Variants in FARP2 observed in about 807,000 individuals in gnomAD.
FARP2 encodes the protein FERM, ARH/RhoGEF and pleckstrin domain protein 2.
FARP2 carries 111 observed loss-of-function variants against 130.5 expected under a neutral mutation model. That is an observed-to-expected ratio of 0.85 (90% CI 0.73 to 1.00). FARP2 has a LOEUF of 1.00. Ranked by LOEUF, FARP2 falls within the 50% of genes least tolerant of loss-of-function variation. The probability of loss-of-function intolerance (pLI) is 0.00; values close to 1 mark genes in which losing one functional copy is unlikely to be tolerated. For synonymous variants in FARP2, 504 were observed against 516.9 expected (o/e 0.98, Z 0.34); for missense variants, 1,385 against 1,346.3 (o/e 1.03, Z -0.45).
At chr2:241,469,379 G>A (rs1053505371) in intron 18 of FARP2, among the ~76,000 whole-genome samples, 5 of 152,066 alleles carry the variant, frequency 3.3e-5, no homozygotes, top group Admixed American at 2.6e-4. Flanking sequence ...GCCACCACAT[G>A]AGGAGGTTTT....
chr2:241,415,986 G>GTT (rs2062653263), intron 7 of FARP2, among the ~76,000 whole-genome samples: 1 of 104,820 alleles, frequency 9.5e-6, no homozygotes, highest in Non-Finnish European at 1.9e-5. Flanking sequence ...CCTCAGGGTA[G>GTT]TTCTGTGTGT....
chr2:241,407,705 A>C lies in FARP2; in HGVS notation c.410+90A>C, dbSNP rs1214927009. On this transcript the variant is annotated intron_variant, in intron 5 of 26. Transcript: ENST00000264042. ...CAGCACCTGGCTCATTGAAAGAATG[A>C]ATAAGCCTGATATACACAGAAAAGT... is the stretch of plus-strand genomic sequence containing the variant. The C allele has an allele frequency of 7.1e-6, 7 of 991,692 alleles. No homozygotes were observed. In the East Asian group the frequency reaches 1.7e-4, roughly 24 times the overall value. 61.4% of individuals were successfully genotyped at this position (991,692 alleles called of 1,614,324 possible). A position where few individuals can be genotyped will look rare whatever the true frequency, so the allele number is the denominator to read the frequency against.
intron 2 of FARP2, among the ~76,000 whole-genome samples, chr2:241,385,830 C>T (rs564138173): frequency 2.6e-5 from 4 of 152,160 alleles, no homozygotes; most frequent in Non-Finnish European, 5.9e-5. Flanking sequence ...ATTTTTTGCA[C>T]TTACTTATGC....
chr2:241,453,546 T>A (rs1192140144), intron 13 of FARP2, among the ~76,000 whole-genome samples: 2 of 149,112 alleles, frequency 1.3e-5, no homozygotes, highest in African/African-American at 5.0e-5. Flanking sequence ...GGCATGAACC[T>A]GGGAGGCGGA....
chr2:241,380,828 CA>C (rs1490383343), intron 2 of FARP2, among the ~76,000 whole-genome samples: 1 of 152,036 alleles, frequency 6.6e-6, no homozygotes, highest in East Asian at 1.9e-4. Context: ...ATTCTTGGCC[CA>C]ACTCCCTGCA....
In FARP2 at chr2:241,456,872, C is replaced by T; in HGVS notation, c.1537C>T (p.Leu513Phe). Residue 513 changes from leucine to phenylalanine, a missense_variant, in exon 14 of 27, where the codon CTC becomes TTC. By Grantham distance (22) the Leu-to-Phe change is conservative (BLOSUM62 0). Transcript: ENST00000264042. ...QGSSPLLSPV[L>F]SDAGGAGMDC... ...CTCATCCCCACTCCTGAGCCCTGTC[C>T]TCAGTGATGCTGGCGGAGCCGGGAT... The T allele has an allele frequency of 1.2e-6, 2 of 1,611,850 alleles. No homozygotes were observed. The highest frequency in any genetic ancestry group is 1.7e-6 in the Non-Finnish European group (2 of 1,178,926).
chr2:241,402,531 A>G (rs2062196293), intron 2 of FARP2, among the ~76,000 whole-genome samples: 1 of 152,038 alleles, frequency 6.6e-6, no homozygotes, highest in African/African-American at 2.4e-5. Context: ...AAGTCTGTCC[A>G]TCTTTCCTTT....
intron 8 of FARP2, among the ~76,000 whole-genome samples, chr2:241,424,944 C>T (rs1182829771): frequency 6.6e-6 from 1 of 152,142 alleles, no homozygotes; most frequent in African/African-American, 2.4e-5. Flanking sequence ...CACAGTGGCT[C>T]ACGTCTGAAT....
chr2:241,403,639 A>G (rs1319230086), intron 2 of FARP2, among the ~76,000 whole-genome samples, 189 bp from the exon 3 acceptor site: 1 of 152,142 alleles, frequency 6.6e-6, no homozygotes, highest in Non-Finnish European at 1.5e-5. Flanking sequence ...AGCTTTATTT[A>G]TTTTGTTGCC....
intron 8 of FARP2, among the ~76,000 whole-genome samples, chr2:241,430,895 G>T (rs1040824783): frequency 3.9e-5 from 6 of 151,994 alleles, no homozygotes; most frequent in Non-Finnish European, 8.8e-5. Context: ...AGCTACTCAG[G>T]AGGCTGAGGC....
chr2:241,494,356 CTT>C lies in FARP2; in HGVS notation c.*232_*233del, dbSNP rs559516942. The C allele has an allele frequency of 6.6e-5, 23 of 348,578 alleles. No homozygotes were observed. In the South Asian group the frequency reaches 9.5e-4, roughly 14 times the overall value. 21.6% of individuals were successfully genotyped at this position (348,578 alleles called of 1,614,324 possible). A position where few individuals can be genotyped will look rare whatever the true frequency, so the allele number is the denominator to read the frequency against. On this transcript the variant is annotated 3_prime_UTR_variant, in exon 27 of 27. Coordinates refer to ENST00000264042, the MANE Select transcript of FARP2 (RefSeq NM_014808.4). This position sits in a 1 kb window ranked among gnomAD's most constrained non-coding sequence, Gnocchi z 4.9. ...GGGGCCCTGGGAAAAATGTGCGAGT[CTT>C]GAGCGCGGAGCCGCTCAAGCCACAG...
At chr2:241,441,162 A>T in intron 12 of FARP2, 142 bp from the exon 13 acceptor site, 1 of 683,746 alleles carries the variant, frequency 1.5e-6, no homozygotes, top group East Asian at 2.8e-5. Context: ...TCTACAAGGG[A>T]AAGTCTAGTG....
intron 4 of FARP2, among the ~76,000 whole-genome samples, chr2:241,405,759 C>G (rs939549696): frequency 2.0e-5 from 3 of 152,010 alleles, no homozygotes; most frequent in Non-Finnish European, 4.4e-5. Flanking sequence ...CATGGTGAAA[C>G]CCTGTCTCTA....
chr2:241,454,705 G>A (rs1182422567), intron 13 of FARP2, among the ~76,000 whole-genome samples: 1 of 152,176 alleles, frequency 6.6e-6, no homozygotes, highest in African/African-American at 2.4e-5. Context: ...TTTTAAGGTT[G>A]CTTAGTGTAC....
chr2:241,385,915 C>T (rs2061772928), intron 2 of FARP2, among the ~76,000 whole-genome samples: 2 of 152,178 alleles, frequency 1.3e-5, no homozygotes, highest in South Asian at 4.1e-4. Flanking sequence ...GAAGAATTAG[C>T]TTCCCATTGT....
At chr2:241,402,654 C>T (rs2062198753) in intron 2 of FARP2, among the ~76,000 whole-genome samples, 1 of 150,504 alleles carries the variant, frequency 6.6e-6, no homozygotes, top group African/African-American at 2.4e-5. Context: ...TACAATAAAA[C>T]TCTATTTCCA....
chr2:241,398,024 G>T (rs562218907), intron 2 of FARP2, among the ~76,000 whole-genome samples: 145 of 151,606 alleles, frequency 9.6e-4, no homozygotes, highest in African/African-American at 3.4e-3. Flanking sequence ...GTAGAGATGG[G>T]GTTTCACCAT....
At chr2:241,358,271 A>T (rs1330271293) in intron 1 of FARP2, among the ~76,000 whole-genome samples, 1 of 152,266 alleles carries the variant, frequency 6.6e-6, no homozygotes, top group Non-Finnish European at 1.5e-5. Flanking sequence ...GTTAGCCATT[A>T]TTATTATCAG....
intron 13 of FARP2, 180 bp downstream of exon 13, chr2:241,441,736 T>A: frequency 1.1e-6 from 1 of 933,272 alleles, no homozygotes; most frequent in African/African-American, 1.6e-5. Context: ...GGAGCACCGG[T>A]GTGACCGGCA....
Sources: gnomAD v4.1 joint callset for allele counts (sites outside exome capture counted in the v4.1 genomes callset) on GRCh38, gnomAD v4.1.1 for gene constraint, Gnocchi (gnomAD v3.1) non-coding constraint, MANE v1.5 for transcripts, NCBI Gene and HGNC (gene_info 2026-07-23, HGNC 2026-07-21) for gene names.